The following DNAJC3 variants were observed in gnomAD, a reference collection of about 807,000 sequenced individuals.
The protein encoded by DNAJC3 is dnaJ homolog subfamily C member 3.
In DNAJC3, 38 loss-of-function variants were observed where a neutral mutation model predicts 68.6. The ratio of observed to expected loss-of-function variants is 0.55; its 90% CI spans 0.43 to 0.73. The LOEUF is 0.73. Ranked by LOEUF, DNAJC3 falls within the 30% of genes least tolerant of loss-of-function variation. DNAJC3 has a pLI of 0.00. For synonymous variants in DNAJC3, 203 were observed against 204.0 expected, an observed-to-expected ratio of 1.00 and a Z score of 0.04; for missense variants, 526 against 591.9, an observed-to-expected ratio of 0.89 and a Z score of 1.16.
At chr13:95,729,865 G>A (rs1881657842) in intron 4 of DNAJC3, among the ~76,000 whole-genome samples, 1 of 152,094 alleles carries the variant, frequency 6.6e-6, no homozygotes, top group East Asian at 1.9e-4. Flanking sequence ...TTTTCTTACT[G>A]CTGACTTCTT....
intron 4 of DNAJC3, among the ~76,000 whole-genome samples, chr13:95,730,943 A>T (rs1314028864): frequency 3.9e-5 from 6 of 152,132 alleles, no homozygotes; most frequent in Admixed American, 3.9e-4. Context: ...TGAGCATAGG[A>T]TGTCTTACTA....
intron 4 of DNAJC3, among the ~76,000 whole-genome samples, chr13:95,725,736 C>T (rs987445107): frequency 2.0e-5 from 3 of 149,914 alleles, no homozygotes; most frequent in South Asian, 2.1e-4. Context: ...AGGTTTGTTA[C>T]GTATGTATAC....
At chr13:95,785,653 C>T (rs1251906432) in intron 9 of DNAJC3, among the ~76,000 whole-genome samples, 7 of 149,842 alleles carry the variant, frequency 4.7e-5, no homozygotes, top group African/African-American at 1.2e-4. Context: ...TTAGTAGAGA[C>T]GGGGTTTCAT....
Position 95,677,249 on chromosome 13 carries a change from C to T in DNAJC3, c.-7C>T. 6.2e-7 allele frequency: 1 copy of T among 1,602,396 alleles called. No individual in the cohort carries two copies. The highest frequency in any genetic ancestry group is 8.5e-7 in the Non-Finnish European group (1 of 1,175,560). On this transcript the variant is annotated 5_prime_UTR_variant, in exon 1 of 12. Coordinates refer to ENST00000602402, the MANE Select transcript of DNAJC3 (RefSeq NM_006260.5). ...CTTTCCTCCTCTTCACTCGCGAGCC[C>T]TCGGACATGGTGGCCCCCGGCTCCG...
chr13:95,793,085 C>T lies in DNAJC3; in HGVS notation c.*2055C>T, dbSNP rs1300615761. 7.2e-5 allele frequency: 11 copies of T among 152,202 alleles called. No homozygotes were observed. The highest frequency in any genetic ancestry group is 6.5e-4 in the Admixed American group (10 of 15,284). 9.4% of individuals were successfully genotyped at this position (152,202 alleles called of 1,614,324 possible). On this transcript the variant is annotated 3_prime_UTR_variant, in exon 12 of 12. Transcript: ENST00000602402. ...TTCATTTTTTCTCCACTTGTAACAA[C>T]CATAGTTTCAGCTCCTAAATTCTTA...
At chr13:95,788,263 A>T (rs950457468) in intron 11 of DNAJC3, among the ~76,000 whole-genome samples, 1 of 152,252 alleles carries the variant, frequency 6.6e-6, no homozygotes, top group Non-Finnish European at 1.5e-5. Context: ...AACCTGCCTT[A>T]AGCAGTTCAA....
intron 4 of DNAJC3, among the ~76,000 whole-genome samples, chr13:95,733,892 A>G (rs1377463464): frequency 1.3e-5 from 2 of 151,930 alleles, no homozygotes; most frequent in African/African-American, 2.4e-5. Flanking sequence ...AGTTAGATCC[A>G]TTTTTTAAAA....
chr13:95,786,840 A>G (rs985013908), intron 10 of DNAJC3, among the ~76,000 whole-genome samples, 167 bp from the exon 11 acceptor site: 1 of 152,190 alleles, frequency 6.6e-6, no homozygotes, highest in African/African-American at 2.4e-5. Flanking sequence ...AGCTTTAATG[A>G]TCATCCAGAA....
intron 4 of DNAJC3, among the ~76,000 whole-genome samples, chr13:95,738,961 C>G (rs1882026817): frequency 6.6e-6 from 1 of 152,046 alleles, no homozygotes; most frequent in Non-Finnish European, 1.5e-5. Context: ...GCGGCTGGTA[C>G]TGGTTGTTCC....
At chr13:95,712,374 C>CT (rs71113952) in intron 2 of DNAJC3, among the ~76,000 whole-genome samples, 68,144 of 135,200 alleles carry the variant, frequency 0.5, 17,200 homozygotes, top group East Asian at 0.62. Context: ...ATGCTTTTTT[C>CT]TTTTTTTTTT....
Position 95,768,729 on chromosome 13 carries a change from C to A in DNAJC3, c.1075+4776C>A, listed in dbSNP as rs183543783. Among the ~76,000 whole-genome samples, 326 of 152,222 alleles carry A rather than the reference C, an allele frequency of 2.1e-3. 5 individuals carry two copies. The highest frequency in any genetic ancestry group is 7.5e-3 in the African/African-American group (311 of 41,518). ...GTGGCTCATGCCTGTAATCCCAGCA[C>A]TTTGGGAGGCCGAGGTGGGTGGATC... is the stretch of plus-strand genomic sequence containing the variant. On this transcript the variant is annotated intron_variant, in intron 9 of 11. Transcript: ENST00000602402.
chr13:95,769,900 T>C (rs567354720), intron 9 of DNAJC3, among the ~76,000 whole-genome samples: 3 of 152,296 alleles, frequency 2.0e-5, no homozygotes, highest in East Asian at 1.9e-4. Flanking sequence ...ATGAGCGTAA[T>C]ATGTAGGTGA....
intron 1 of DNAJC3, among the ~76,000 whole-genome samples, chr13:95,703,643 T>A (rs1319618522): frequency 6.6e-6 from 1 of 152,176 alleles, no homozygotes; most frequent in African/African-American, 2.4e-5. Flanking sequence ...AAATACAGAA[T>A]CTAAATTATG....
intron 1 of DNAJC3, among the ~76,000 whole-genome samples, chr13:95,702,204 A>G (rs1424489115): frequency 6.6e-6 from 1 of 152,124 alleles, no homozygotes; most frequent in East Asian, 1.9e-4. Context: ...CCACACCTCT[A>G]AGCATGATGA....
chr13:95,714,942 A>C (rs1881090578), intron 2 of DNAJC3, among the ~76,000 whole-genome samples: 2 of 152,150 alleles, frequency 1.3e-5, no homozygotes, highest in African/African-American at 4.8e-5. Context: ...TTATCACTGC[A>C]ATACAAGACT....
intron 9 of DNAJC3, among the ~76,000 whole-genome samples, chr13:95,773,206 G>T (rs918611988): frequency 1.8e-4 from 23 of 130,352 alleles, no homozygotes; most frequent in Non-Finnish European, 3.0e-4. Context: ...AGGTCTTGCT[G>T]TGTCACCCAG....
intron 1 of DNAJC3, among the ~76,000 whole-genome samples, chr13:95,708,648 A>G (rs563032757): frequency 1.3e-5 from 2 of 152,012 alleles, no homozygotes; most frequent in Admixed American, 6.6e-5. Context: ...TTGCTACTCT[A>G]AGTCCCCTGA....
chr13:95,792,617 A>G lies in DNAJC3; in HGVS notation c.*1587A>G, dbSNP rs1168555488. 6.6e-6 allele frequency: 1 copy of G among 152,218 alleles called. No individual in the cohort carries two copies. Among genetic ancestry groups the G allele is most frequent in the African/African-American group, 2.4e-5 (1 of 41,466 alleles). The allele number at this position is 152,218 out of a possible 1,614,324, so 9.4% of individuals were successfully genotyped here. On this transcript the variant is annotated 3_prime_UTR_variant, in exon 12 of 12. Transcript: ENST00000602402. ...AGACAAAAATCACATAGTTGAATTG[A>G]GCAGAACACTTAAGTGCTTTCTGCA...
At position 95,677,175 on chromosome 13, in the gene DNAJC3, C is replaced by G; in HGVS notation, c.-81C>G. On this transcript the variant is annotated 5_prime_UTR_variant, in exon 1 of 12. Coordinates refer to ENST00000602402, the MANE Select transcript of DNAJC3 (RefSeq NM_006260.5). ...GGCCTGAGCGAGAGCCGACGGCGGG[C>G]GGGCGCAGCTGCTGCCGGAGCGCCG... The G allele has an allele frequency of 7.5e-7, 1 of 1,340,926 alleles. No individual in the cohort carries two copies. Among genetic ancestry groups the G allele is most frequent in the Non-Finnish European group, 1.0e-6 (1 of 979,658 alleles). 83.1% of individuals were successfully genotyped at this position (1,340,926 alleles called of 1,614,324 possible). A position where few individuals can be genotyped will look rare whatever the true frequency, so the allele number is the denominator to read the frequency against.
Sources: gnomAD v4.1 joint callset for allele counts (sites outside exome capture counted in the v4.1 genomes callset) on GRCh38, gnomAD v4.1.1 for gene constraint, MANE v1.5 for transcripts, NCBI Gene and HGNC (gene_info 2026-07-23, HGNC 2026-07-21) for gene names.